The following PLOD2 variants were observed in gnomAD, a reference collection of about 807,000 sequenced individuals.
PLOD2 encodes the protein procollagen-lysine,2-oxoglutarate 5-dioxygenase 2, also known as lysine hydroxylase 2.
Under a neutral mutation model 101.0 loss-of-function variants are expected in PLOD2, and 65 were observed. That is an observed-to-expected ratio of 0.64 (90% confidence interval 0.53 to 0.79). The LOEUF is 0.79. Among genes scored for constraint, PLOD2 ranks in the 30% least tolerant of loss-of-function variants. PLOD2 has a pLI of 0.00. For missense variants in PLOD2, 909 were observed against 914.6 expected (o/e 0.99, Z 0.08); for synonymous variants, 314 against 302.9 (o/e 1.04, Z -0.38).
intron 1 of PLOD2, among the ~76,000 whole-genome samples, chr3:146,148,043 T>C (rs2031868523): frequency 6.6e-6 from 1 of 151,768 alleles, no homozygotes; most frequent in Admixed American, 6.6e-5. Flanking sequence ...AAACAATATT[T>C]AGGCTAGATT....
chr3:146,146,995 T>C (rs2031811637), intron 1 of PLOD2, among the ~76,000 whole-genome samples: 2 of 152,266 alleles, frequency 1.3e-5, no homozygotes, highest in Admixed American at 6.5e-5. Context: ...GTAAGGCCTA[T>C]AGGCAGAGAA....
intron 1 of PLOD2, among the ~76,000 whole-genome samples, chr3:146,136,712 T>C (rs1370023546): frequency 6.6e-6 from 1 of 152,180 alleles, no homozygotes; most frequent in East Asian, 1.9e-4. Context: ...TATATTTAGA[T>C]ACACAAATAC....
At chr3:146,089,325 T>A (rs762043928) in intron 8 of PLOD2, among the ~76,000 whole-genome samples, 1 of 151,686 alleles carries the variant, frequency 6.6e-6, no homozygotes, top group African/African-American at 2.4e-5. Flanking sequence ...TTATCCTTCA[T>A]TAATTGCACA....
rs186646319 is a variant in PLOD2 at position 146,071,006 on chromosome 3, T to G, written c.2121+36A>C. 446 of 1,579,366 alleles carry G rather than the reference T, an allele frequency of 2.8e-4. 1 individual carries two copies. In the African/African-American group the frequency reaches 5.4e-3, roughly 19 times the overall value. ...AGTCCTTTTCATAATGATATATTTC[T>G]TTTGAAAAATCTAAAAACACAAGAG... On this transcript the variant is annotated intron_variant, in intron 19 of 19. Coordinates refer to ENST00000282903, the MANE Select transcript of PLOD2 (RefSeq NM_182943.3).
intron 1 of PLOD2, among the ~76,000 whole-genome samples, chr3:146,137,369 C>T (rs139620251): frequency 5.6e-4 from 85 of 152,290 alleles, no homozygotes; most frequent in South Asian, 1.0e-3. Flanking sequence ...ACCTCAGCCT[C>T]CTGAGTAGCT....
chr3:146,104,096 T>C (rs550676104), intron 6 of PLOD2, among the ~76,000 whole-genome samples, 183 bp downstream of exon 6: 4 of 152,322 alleles, frequency 2.6e-5, no homozygotes, highest in South Asian at 2.1e-4. Context: ...TCATAGGAAA[T>C]GATTTTAATT....
chr3:146,125,248 T>C (rs192000090), intron 1 of PLOD2, among the ~76,000 whole-genome samples: 59 of 152,198 alleles, frequency 3.9e-4, no homozygotes, highest in Admixed American at 1.8e-3. Flanking sequence ...TCACCAAACA[T>C]GGCAATAATG....
At chr3:146,072,258 A>G (rs1004282859) in intron 17 of PLOD2, among the ~76,000 whole-genome samples, 2 of 116,804 alleles carry the variant, frequency 1.7e-5, no homozygotes, top group Non-Finnish European at 3.7e-5. Context: ...GAAAAGAGTG[A>G]CATCACTCTG....
chr3:146,135,988 T>C (rs532617723), intron 1 of PLOD2, among the ~76,000 whole-genome samples: 9 of 152,270 alleles, frequency 5.9e-5, no homozygotes, highest in African/African-American at 2.2e-4. Flanking sequence ...AAATTCCAAG[T>C]AAACCTTGTG....
At chr3:146,156,684 C>T (rs2032313470) in intron 1 of PLOD2, among the ~76,000 whole-genome samples, 1 of 152,214 alleles carries the variant, frequency 6.6e-6, no homozygotes, top group African/African-American at 2.4e-5. Context: ...TTTTACATAA[C>T]CTGCAAATTA....
At chr3:146,155,583 G>A (rs1486515001) in intron 1 of PLOD2, among the ~76,000 whole-genome samples, 1 of 151,300 alleles carries the variant, frequency 6.6e-6, no homozygotes, top group Non-Finnish European at 1.5e-5. Context: ...GGGCATGGTG[G>A]CGGGCACCTG....
intron 1 of PLOD2, among the ~76,000 whole-genome samples, chr3:146,151,907 C>T (rs901869636): frequency 3.3e-5 from 5 of 152,106 alleles, no homozygotes; most frequent in African/African-American, 1.2e-4. Context: ...CAGTATTACA[C>T]AATGGGAATT....
intron 1 of PLOD2, among the ~76,000 whole-genome samples, chr3:146,146,354 C>T (rs1001365070): frequency 6.6e-6 from 1 of 152,186 alleles, no homozygotes; most frequent in Non-Finnish European, 1.5e-5. Context: ...TACCCCTCCT[C>T]TAAGATGTAT....
chr3:146,141,217 C>T (rs769559054), intron 1 of PLOD2, among the ~76,000 whole-genome samples: 1 of 152,030 alleles, frequency 6.6e-6, no homozygotes, highest in African/African-American at 2.4e-5. Flanking sequence ...AAGTTAACTA[C>T]ATTACAATTT....
chr3:146,072,663 G>A lies in PLOD2; in HGVS notation c.1746C>T (p.Pro582=), dbSNP rs749172294. ...TGGGGAACCAAAAGACATCTGGACA[G>A]GGCTATAAAATATGCATCATCGTTA... ...KIFTENIVEQ[P]CPDVFWFPIF... is the part of the protein sequence containing the mutation. Residue 582 remains proline (P), a splice_region_variant and synonymous_variant, in exon 17 of 20, where the codon CCC becomes CCT. Coordinates refer to ENST00000282903, the MANE Select transcript of PLOD2 (RefSeq NM_182943.3). The A allele has an allele frequency of 1.9e-6, 3 of 1,587,646 alleles. No homozygotes were observed. The Admixed American group carries it at 5.0e-5, about 27-fold the overall frequency.
At chr3:146,095,879 TCCCC>T (rs1937133696) in intron 7 of PLOD2, among the ~76,000 whole-genome samples, 1 of 116,364 alleles carries the variant, frequency 8.6e-6, no homozygotes, top group Non-Finnish European at 1.8e-5. Context: ...CTCTCCCCTC[TCCCC>T]TCTCCCCTCT....
At chr3:146,089,202 T>C (rs1936892678) in intron 8 of PLOD2, among the ~76,000 whole-genome samples, 1 of 151,582 alleles carries the variant, frequency 6.6e-6, no homozygotes, top group Admixed American at 6.6e-5. Context: ...TTCATTATTA[T>C]ATTATGTATA....
At chr3:146,158,272 A>G (rs573246128) in intron 1 of PLOD2, among the ~76,000 whole-genome samples, 45 of 152,322 alleles carry the variant, frequency 3.0e-4, no homozygotes, top group Non-Finnish European at 5.3e-4. Flanking sequence ...TATAATTTTC[A>G]GGTAACAATT....
intron 7 of PLOD2, 38 bp from the exon 8 acceptor site, chr3:146,091,939 C>G (rs1245708817): frequency 9.4e-7 from 1 of 1,060,680 alleles, no homozygotes; most frequent in South Asian, 1.3e-5. Flanking sequence ...TGAAAGCAGG[C>G]CTCTCATCGG....
Sources: allele counts gnomAD v4.1 joint callset (sites outside exome capture counted in the v4.1 genomes callset), GRCh38; gene constraint gnomAD v4.1.1; transcripts MANE v1.5; gene names NCBI Gene and HGNC (gene_info 2026-07-23, HGNC 2026-07-21).